The following SFXN4 variants were observed in gnomAD, a reference collection of about 807,000 sequenced individuals.
SFXN4 encodes the protein sideroflexin-4.
Under a neutral mutation model 54.6 loss-of-function variants are expected in SFXN4, and 48 were observed. The ratio of observed to expected loss-of-function variants is 0.88; its 90% CI spans 0.70 to 1.12. The LOEUF is 1.12. SFXN4 is among the 50% of genes most tolerant of loss of function. SFXN4 has a pLI of 0.00. For synonymous variants in SFXN4, 130 were observed against 145.5 expected, an observed-to-expected ratio of 0.89 and a Z score of 0.77; for missense variants, 383 against 409.2, an observed-to-expected ratio of 0.94 and a Z score of 0.55.
chr10:119,165,457 A>G, intron 1 of SFXN4, 80 bp downstream of exon 1: 1 of 1,420,302 alleles, frequency 7.0e-7, no homozygotes, highest in Admixed American at 3.5e-5. Flanking sequence ...GGCCTGGCCA[A>G]GGTCACCCGG....
At chr10:119,160,342 C>A (rs1847469905) in intron 5 of SFXN4, among the ~76,000 whole-genome samples, 1 of 151,680 alleles carries the variant, frequency 6.6e-6, no homozygotes, top group Non-Finnish European at 1.5e-5. Context: ...CCTGTCTCTA[C>A]TAAAAATACA....
At position 119,160,918 on chromosome 10, in the gene SFXN4, C is replaced by T. The variant is rs764342771; in HGVS notation, c.331G>A (p.Ala111Thr). 13 of 1,613,990 alleles carry T rather than the reference C, an allele frequency of 8.1e-6. No individual in the cohort carries two copies. Among genetic ancestry groups the T allele is most frequent in the Non-Finnish European group, 1.0e-5 (12 of 1,179,962 alleles). Residue 111 changes from alanine (A) to threonine (T), a missense_variant, in exon 5 of 14, where the codon GCA becomes ACA. Coordinates refer to ENST00000355697, the MANE Select transcript of SFXN4 (RefSeq NM_213649.2). ...CTGAAAATTAGAACCAACTCACCTG[C>T]AGGTCGAAAAAGCTTGGGGATCAGG... ...SNLIPKLFRP[A>T]AFLPFMAPTV...
At chr10:119,153,482 G>A (rs1847157258) in intron 11 of SFXN4, among the ~76,000 whole-genome samples, 1 of 152,066 alleles carries the variant, frequency 6.6e-6, no homozygotes, top group Admixed American at 6.6e-5. Flanking sequence ...TCAGAATTGA[G>A]GCCTTGAAAA....
At chr10:119,146,740 TG>T (rs1001801858) in intron 12 of SFXN4, among the ~76,000 whole-genome samples, 1 of 152,138 alleles carries the variant, frequency 6.6e-6, no homozygotes, top group Non-Finnish European at 1.5e-5. Context: ...TGCTAATTTT[TG>T]TATTTTCAGT....
chr10:119,165,431 CAG>C (rs1847728991), intron 1 of SFXN4, 104 bp downstream of exon 1: 4 of 1,349,376 alleles, frequency 3.0e-6, no homozygotes, highest in South Asian at 1.6e-5. Flanking sequence ...GAAACGGAGA[CAG>C]GGGGCGCCCA....
Position 119,156,754 on chromosome 10 carries a change from T to C in SFXN4, c.540A>G (p.Val180=), listed in dbSNP as rs1447387470. The change falls in exon 10 of 14, where the codon GTA becomes GTG. Residue 180 remains valine, a splice_region_variant and synonymous_variant. Coordinates refer to ENST00000355697, the MANE Select transcript of SFXN4 (RefSeq NM_213649.2). ...GAVASSTFLG[V]IPQFVQMKYG... ...ACTTCATCTGGACAAACTGAGGGAT[T>C]ACCTAGAAAAGAAGAGAGAAAAATC... 6.2e-7 allele frequency: 1 copy of C among 1,606,066 alleles called. No homozygotes were observed. The highest frequency in any genetic ancestry group is 8.5e-7 in the Non-Finnish European group (1 of 1,174,842).
rs1250783852 is a variant in SFXN4 at position 119,162,335 on chromosome 10, C to T, written c.252+5G>A. On this transcript the variant is annotated splice_donor_5th_base_variant and intron_variant, in intron 3 of 13. Transcript: ENST00000355697. Reference sequence around the variant, plus strand: ...ACCAGCCAGACCTGAGCACGTGAAACATACCCTTTGGTCCGCCGAGGCAGG... The same window carrying T: ...ACCAGCCAGACCTGAGCACGTGAAATATACCCTTTGGTCCGCCGAGGCAGG... 9 of 1,613,880 alleles carry T rather than the reference C, an allele frequency of 5.6e-6. No homozygotes were observed. Among genetic ancestry groups the T allele is most frequent in the East Asian group, 2.2e-5 (1 of 44,890 alleles).
At chr10:119,156,643 C>T (rs1200406028) in intron 10 of SFXN4, 35 bp downstream of exon 10, 1 of 1,523,680 alleles carries the variant, frequency 6.6e-7, no homozygotes, top group Non-Finnish European at 9.0e-7. Flanking sequence ...AAAGACACCC[C>T]ACCCAGACTG....
chr10:119,146,484 C>A, intron 12 of SFXN4, 131 bp from the exon 13 acceptor site: 1 of 505,214 alleles, frequency 2.0e-6, no homozygotes, highest in Non-Finnish European at 3.5e-6. Context: ...TACCTGAACA[C>A]CTGGATCAGG....
chr10:119,162,158 C>T (rs1294322802), intron 3 of SFXN4, 182 bp downstream of exon 3: 2 of 580,468 alleles, frequency 3.4e-6, no homozygotes, highest in Non-Finnish European at 3.1e-6. Flanking sequence ...CAAAGCTGGT[C>T]CTCTGGGCAG....
chr10:119,151,323 C>G (rs74649028), intron 11 of SFXN4, among the ~76,000 whole-genome samples: 4,869 of 148,784 alleles, frequency 0.033, 107 homozygotes, highest in Non-Finnish European at 0.051. Context: ...GAGCCAAGAT[C>G]GCACCATTGC....
chr10:119,152,176 C>T (rs1402358538), intron 11 of SFXN4, among the ~76,000 whole-genome samples: 1 of 151,434 alleles, frequency 6.6e-6, no homozygotes, highest in Non-Finnish European at 1.5e-5. Flanking sequence ...GTAAATTTTA[C>T]AGTATGTAAA....
chr10:119,154,972 G>A (rs2133601476), intron 11 of SFXN4, 90 bp downstream of exon 11: 2 of 849,646 alleles, frequency 2.4e-6, no homozygotes, highest in African/African-American at 1.7e-5. Context: ...AAAGGTTGAA[G>A]GCAGACATGA....
At chr10:119,145,118 AATG>A (rs1242298690) in intron 13 of SFXN4, among the ~76,000 whole-genome samples, 1 of 152,060 alleles carries the variant, frequency 6.6e-6, no homozygotes, top group African/African-American at 2.4e-5. Flanking sequence ...ACCCTTGAAT[AATG>A]CAGGTTTGAA....
intron 3 of SFXN4, among the ~76,000 whole-genome samples, chr10:119,161,487 T>C (rs915651872): frequency 6.6e-6 from 1 of 151,710 alleles, no homozygotes; most frequent in South Asian, 2.1e-4. Flanking sequence ...AAGAATTTCT[T>C]TGCCTGTCTC....
Position 119,156,715 on chromosome 10 carries a change from G to T in SFXN4, c.579C>A (p.Gly193=), listed in dbSNP as rs1436781437. ...CAGGTAAGAGTCTTTTAATCCAAGG[G>T]CCAGTCAGGCCATACTTCATCTGGA... The part of the protein sequence containing the change: ...QFVQMKYGLT[G]PWIKRLLPVI... Residue 193 remains glycine, a synonymous_variant, in exon 10 of 14, where the codon GGC becomes GGA. Transcript: ENST00000355697. 1 of 1,611,550 alleles carries T rather than the reference G, an allele frequency of 6.2e-7. No individual in the cohort carries two copies. The highest frequency in any genetic ancestry group is 1.7e-5 in the Admixed American group (1 of 59,648).
At chr10:119,149,619 G>A (rs1846969275) in intron 11 of SFXN4, among the ~76,000 whole-genome samples, 2 of 152,040 alleles carry the variant, frequency 1.3e-5, no homozygotes, top group Admixed American at 1.3e-4. Context: ...GCGTGGTGGT[G>A]GGCGCCTGTA....
intron 11 of SFXN4, among the ~76,000 whole-genome samples, chr10:119,152,693 T>C (rs1847118815): frequency 1.3e-5 from 2 of 152,302 alleles, no homozygotes; most frequent in Non-Finnish European, 2.9e-5. Flanking sequence ...CATTAGCATG[T>C]ATCTGATAGT....
rs566716115 is a variant in SFXN4 at position 119,151,779 on chromosome 10, A to G, written c.732+3283T>C. Among the ~76,000 whole-genome samples, 9 of 151,402 alleles carry G rather than the reference A, an allele frequency of 5.9e-5. No homozygotes were observed. The South Asian group carries it at 1.9e-3, about 32-fold the overall frequency. On this transcript the variant is annotated intron_variant, in intron 11 of 13. Coordinates refer to ENST00000355697, the MANE Select transcript of SFXN4 (RefSeq NM_213649.2). ...GATCTACCTGCCTCAGACCCCTCAGAGTGCTGGGATTACAGGCGTGAGCCA... is the reference window on the plus strand; with the variant it reads ...GATCTACCTGCCTCAGACCCCTCAGGGTGCTGGGATTACAGGCGTGAGCCA...
Sources: gnomAD v4.1 joint callset for allele counts (sites outside exome capture counted in the v4.1 genomes callset) on GRCh38, gnomAD v4.1.1 for gene constraint, MANE v1.5 for transcripts, NCBI Gene and HGNC (gene_info 2026-07-23, HGNC 2026-07-21) for gene names.